Variants in PGGT1B observed in about 807,000 individuals in gnomAD.
PGGT1B encodes the protein geranylgeranyl transferase type-1 subunit beta.
A neutral mutation model predicts 46.1 loss-of-function variants in PGGT1B; 30 were observed. The ratio of observed to expected loss-of-function variants is 0.65; its 90% CI spans 0.49 to 0.88. The LOEUF is 0.88. PGGT1B is among the 40% of genes least tolerant of loss of function. The pLI is 0.00. For missense variants in PGGT1B, 376 were observed against 455.9 expected, an observed-to-expected ratio of 0.82 and a Z score of 1.60; for synonymous variants, 170 against 160.0, an observed-to-expected ratio of 1.06 and a Z score of -0.47.
chr5:115,208,470 T>C lies in PGGT1B; in HGVS notation c.*3932A>G, dbSNP rs922298313. 2 of 152,068 alleles carry C rather than the reference T, an allele frequency of 1.3e-5. No homozygotes were observed. Among genetic ancestry groups the C allele is most frequent in the African/African-American group, 4.8e-5 (2 of 41,446 alleles). 9.4% of individuals were successfully genotyped at this position (152,068 alleles called of 1,614,324 possible). On this transcript the variant is annotated 3_prime_UTR_variant, in exon 9 of 9. Transcript: ENST00000419445. ...TGACTTTATCTACCTAGAGTAAATTTTGGCAATTTGCATTTTTCTCAAAAT... is the reference window on the plus strand; with the variant it reads ...TGACTTTATCTACCTAGAGTAAATTCTGGCAATTTGCATTTTTCTCAAAAT...
At chr5:115,229,438 C>T (rs952438318) in intron 6 of PGGT1B, among the ~76,000 whole-genome samples, 2 of 152,138 alleles carry the variant, frequency 1.3e-5, no homozygotes, top group African/African-American at 4.8e-5. Context: ...ACGCTTTGGG[C>T]ATGAACTATA....
At chr5:115,231,503 G>A (rs1326032412) in intron 5 of PGGT1B, 3 of 151,944 alleles carry the variant, frequency 2.0e-5, no homozygotes, top group Non-Finnish European at 2.9e-5. Context: ...CAAAACAGAA[G>A]AAGAACAATA....
In PGGT1B at chr5:115,237,849, C is replaced by G. The variant is rs751467708; in HGVS notation, c.479+9G>C. 1.3e-6 allele frequency: 2 copies of G among 1,593,220 alleles called. No homozygotes were observed. The highest frequency in any genetic ancestry group is 2.3e-5 in the South Asian group (2 of 87,380). Reference sequence around the variant, plus strand: ...TATTACAAAAAAAGTAACAAAGAATCACTCATACCTCCCATCTTCCAGCTG... The same window carrying G: ...TATTACAAAAAAAGTAACAAAGAATGACTCATACCTCCCATCTTCCAGCTG... On this transcript the variant is annotated intron_variant, in intron 4 of 8. Transcript: ENST00000419445.
intron 3 of PGGT1B, 98 bp downstream of exon 3, chr5:115,241,441 C>A: frequency 1.6e-6 from 1 of 606,624 alleles, no homozygotes; most frequent in Non-Finnish European, 2.8e-6. Context: ...ACATTGAAAT[C>A]TGGAAGCCTG....
At chr5:115,239,718 T>TG (rs1463873644) in intron 3 of PGGT1B, among the ~76,000 whole-genome samples, 1 of 152,124 alleles carries the variant, frequency 6.6e-6, no homozygotes, top group Non-Finnish European at 1.5e-5. Context: ...CAGGTATAGA[T>TG]GAAGAGGAGG....
intron 6 of PGGT1B, among the ~76,000 whole-genome samples, chr5:115,224,701 C>G (rs1317654663): frequency 1.3e-5 from 2 of 151,910 alleles, no homozygotes; most frequent in African/African-American, 4.8e-5. Context: ...GAGACCCTGT[C>G]TCTACAAAAA....
intron 7 of PGGT1B, 49 bp from the exon 8 acceptor site, chr5:115,217,022 ACCTTTGGCTC>A: frequency 1.2e-6 from 1 of 825,970 alleles, no homozygotes; most frequent in Non-Finnish European, 2.1e-6. Context: ...ACTCATATCA[ACCTTTGGCTC>A]AAATTTCAGA....
chr5:115,244,779 CG>C (rs1159790521), intron 2 of PGGT1B, among the ~76,000 whole-genome samples: 2 of 151,572 alleles, frequency 1.3e-5, no homozygotes, highest in Admixed American at 6.6e-5. Context: ...TTAGTAGAGA[CG>C]GGGTTTCATC....
chr5:115,262,643 C>A, intron 1 of PGGT1B, 69 bp downstream of exon 1: 3 of 1,521,920 alleles, frequency 2.0e-6, no homozygotes, highest in Non-Finnish European at 2.7e-6. Flanking sequence ...GTTTGCGGTC[C>A]GACTCCGCCG....
At chr5:115,225,019 T>G (rs1756723729) in intron 6 of PGGT1B, among the ~76,000 whole-genome samples, 1 of 152,062 alleles carries the variant, frequency 6.6e-6, no homozygotes, top group African/African-American at 2.4e-5. Flanking sequence ...GTGTACACAC[T>G]TCAAAATATT....
intron 7 of PGGT1B, among the ~76,000 whole-genome samples, chr5:115,217,702 G>A (rs1464636852): frequency 6.6e-6 from 1 of 151,934 alleles, no homozygotes; most frequent in African/African-American, 2.4e-5. Flanking sequence ...AGTGACTAAT[G>A]AAGAAGCATT....
At chr5:115,258,821 A>G (rs1016002342) in intron 1 of PGGT1B, among the ~76,000 whole-genome samples, 1 of 152,210 alleles carries the variant, frequency 6.6e-6, no homozygotes, top group Admixed American at 6.5e-5. Flanking sequence ...TCATCTGGGC[A>G]CTTGTCAGAA....
chr5:115,218,054 T>C (rs1362158393), intron 7 of PGGT1B, among the ~76,000 whole-genome samples: 3 of 151,788 alleles, frequency 2.0e-5, no homozygotes, highest in Non-Finnish European at 4.4e-5. Context: ...AACTTAACAT[T>C]ATAAAAATAA....
chr5:115,255,196 CT>C (rs1333270320), intron 1 of PGGT1B, among the ~76,000 whole-genome samples: 1 of 152,188 alleles, frequency 6.6e-6, no homozygotes, highest in Non-Finnish European at 1.5e-5. Flanking sequence ...GTAACAACGA[CT>C]TTAGGATCTA....
chr5:115,247,731 T>C (rs906043611), intron 2 of PGGT1B, among the ~76,000 whole-genome samples: 24 of 152,164 alleles, frequency 1.6e-4, no homozygotes, highest in African/African-American at 5.5e-4. Context: ...TGTTTTAGAA[T>C]TGGACCTACA....
At chr5:115,247,006 GA>G (rs942390740) in intron 2 of PGGT1B, among the ~76,000 whole-genome samples, 67 of 152,230 alleles carry the variant, frequency 4.4e-4, no homozygotes, top group African/African-American at 1.6e-3. Flanking sequence ...TGTGTTATTA[GA>G]AAATATAATG....
At position 115,216,198 on chromosome 5, in the gene PGGT1B, G is replaced by C. The variant is rs1756411030; in HGVS notation, c.952+667C>G. ...TCTGTCACACAGGCTGGAGGGCAGT[G>C]GTGCAATCTCGGCTCACTGGAACCT... is the stretch of plus-strand genomic sequence containing the variant. On this transcript the variant is annotated intron_variant, in intron 8 of 8. Coordinates refer to ENST00000419445, the MANE Select transcript of PGGT1B (RefSeq NM_005023.4). Among the ~76,000 whole-genome samples the C allele has an allele frequency of 3.3e-5, 5 of 152,238 alleles. No homozygotes were observed. In the South Asian group the frequency reaches 1.0e-3, roughly 32 times the overall value.
intron 2 of PGGT1B, among the ~76,000 whole-genome samples, chr5:115,246,956 T>C (rs1747877577): frequency 6.6e-6 from 1 of 152,154 alleles, no homozygotes; most frequent in Non-Finnish European, 1.5e-5. Flanking sequence ...TGTACATGGA[T>C]GTAATATGTG....
In PGGT1B at chr5:115,231,011, T is replaced by C. The variant is rs1441630292; in HGVS notation, c.623A>G (p.Asn208Ser). 5 of 1,555,462 alleles carry C rather than the reference T, an allele frequency of 3.2e-6. No individual in the cohort carries two copies. Among genetic ancestry groups the C allele is most frequent in the Non-Finnish European group, 4.4e-6 (5 of 1,137,556 alleles). Residue 208 changes from asparagine (N) to serine (S), a missense_variant, in exon 6 of 9, where the codon AAT becomes AGT. Asn to Ser is a conservative substitution (Grantham distance 46). Transcript: ENST00000419445. ...TYIRRSMSYD[N>S]GLAQGAGLES... ...AAGTCCAGCTCCCTGTGCCAGTCCATTGTCATAGGACTGAAAAAGAAAAAC... is the reference window on the plus strand; with the variant it reads ...AAGTCCAGCTCCCTGTGCCAGTCCACTGTCATAGGACTGAAAAAGAAAAAC...
Sources: gnomAD v4.1 joint callset for allele counts (sites outside exome capture counted in the v4.1 genomes callset) on GRCh38, gnomAD v4.1.1 for gene constraint, MANE v1.5 for transcripts, NCBI Gene and HGNC (gene_info 2026-07-23, HGNC 2026-07-21) for gene names.